Variants in AKAP6 observed in about 807,000 individuals in gnomAD.
The protein encoded by AKAP6 is A-kinase anchoring protein 6, also known as A-kinase anchor protein 6.
Under a neutral mutation model 188.5 loss-of-function variants are expected in AKAP6, and 58 were observed. That is an observed-to-expected ratio of 0.31 (90% CI 0.25 to 0.38). The LOEUF (loss-of-function observed/expected upper bound fraction) is 0.38, where lower values mean the gene tolerates loss of function less well. Among genes scored for constraint, AKAP6 ranks in the 10% least tolerant of loss-of-function variants. The pLI is 1.00. For missense variants in AKAP6, 2,710 were observed against 2,740.0 expected (o/e 0.99, Z 0.24); for synonymous variants, 989 against 998.6 (o/e 0.99, Z 0.18).
chr14:32,722,225 T>G (rs950150021), intron 9 of AKAP6, among the ~76,000 whole-genome samples: 5 of 152,062 alleles, frequency 3.3e-5, no homozygotes, highest in Non-Finnish European at 5.9e-5. Context: ...CTGAAGTGCT[T>G]TTTTTTGGAA....
chr14:32,592,433 T>C (rs1956214), intron 5 of AKAP6, among the ~76,000 whole-genome samples: 53,413 of 151,978 alleles, frequency 0.35, 11,076 homozygotes, highest in East Asian at 0.89. Flanking sequence ...CTGAGATTAA[T>C]CTTAAAGGAT....
intron 2 of AKAP6, among the ~76,000 whole-genome samples, chr14:32,446,526 C>G (rs977818538): frequency 1.3e-5 from 2 of 151,724 alleles, no homozygotes; most frequent in Non-Finnish European, 2.9e-5. Flanking sequence ...TTTATTTTTA[C>G]TATCATAGAT....
intron 4 of AKAP6, among the ~76,000 whole-genome samples, chr14:32,571,489 C>T (rs544159773): frequency 1.3e-4 from 19 of 151,890 alleles, no homozygotes; most frequent in East Asian, 1.9e-4. Flanking sequence ...ATGATCATGC[C>T]GCTGCACTCT....
rs2031218941 is a variant in AKAP6 at position 32,732,429 on chromosome 14, ATCTCTTTT to A, written c.3001-16_3001-9del. The A allele has an allele frequency of 6.2e-7, 1 of 1,600,368 alleles. No individual in the cohort carries two copies. Among genetic ancestry groups the A allele is most frequent in the East Asian group, 2.2e-5 (1 of 44,696 alleles). On this transcript the variant is annotated splice_polypyrimidine_tract_variant and intron_variant, in intron 9 of 13. Coordinates refer to ENST00000280979, the MANE Select transcript of AKAP6 (RefSeq NM_004274.5). ...TAAGAACACCTCTCTCCCTAATGAT[ATCTCTTTT>A]TCTCTTTTCATTTTAGCGATACAGT...
In AKAP6 at chr14:32,807,599, G is replaced by T. The variant is rs111866475; in HGVS notation, c.3589-13803G>T. Among the ~76,000 whole-genome samples, 650 of 152,284 alleles carry T rather than the reference G, an allele frequency of 4.3e-3. 5 individuals carry two copies. The highest frequency in any genetic ancestry group is 0.014 in the African/African-American group (587 of 41,554). On this transcript the variant is annotated intron_variant, in intron 12 of 13. Coordinates refer to ENST00000280979, the MANE Select transcript of AKAP6 (RefSeq NM_004274.5). ...TTTTCACCAATTTTCATGAGACTCT[G>T]TGAGAATATTAAATTGCCTTTTTAA...
intron 12 of AKAP6, among the ~76,000 whole-genome samples, chr14:32,791,124 G>T (rs1197585045): frequency 6.6e-6 from 1 of 152,120 alleles, no homozygotes; most frequent in Non-Finnish European, 1.5e-5. Context: ...AATCCTTTGG[G>T]TATAACTCAG....
intron 1 of AKAP6, among the ~76,000 whole-genome samples, chr14:32,369,436 A>G (rs978083576): frequency 1.2e-4 from 18 of 152,350 alleles, no homozygotes; most frequent in African/African-American, 3.8e-4. Flanking sequence ...TGAAATTTAG[A>G]TAGGTATACA....
intron 2 of AKAP6, among the ~76,000 whole-genome samples, chr14:32,482,273 C>G (rs1879391371): frequency 6.6e-6 from 1 of 152,190 alleles, no homozygotes; most frequent in South Asian, 2.1e-4. Context: ...CCCCTCTCTT[C>G]CCACTGCCAA....
chr14:32,724,790 A>G (rs1263985883), intron 9 of AKAP6, among the ~76,000 whole-genome samples: 3 of 151,980 alleles, frequency 2.0e-5, no homozygotes, highest in Non-Finnish European at 4.4e-5. Flanking sequence ...TAGACTAGAG[A>G]GCACACGGGA....
intron 1 of AKAP6, among the ~76,000 whole-genome samples, chr14:32,418,738 G>A (rs1290286808): frequency 6.6e-6 from 1 of 152,052 alleles, no homozygotes; most frequent in African/African-American, 2.4e-5. Flanking sequence ...CTTACTCAGC[G>A]GTTCTCATTG....
At chr14:32,517,273 A>G (rs1881572847) in intron 2 of AKAP6, among the ~76,000 whole-genome samples, 1 of 152,234 alleles carries the variant, frequency 6.6e-6, no homozygotes, top group South Asian at 2.1e-4. Context: ...ATTCTAGCTA[A>G]TAAATGAAAA....
At chr14:32,729,344 A>G (rs1054784352) in intron 9 of AKAP6, among the ~76,000 whole-genome samples, 5 of 152,112 alleles carry the variant, frequency 3.3e-5, no homozygotes, top group African/African-American at 1.2e-4. Flanking sequence ...AGTTATCTCA[A>G]TCAAGTCTTC....
intron 7 of AKAP6, among the ~76,000 whole-genome samples, chr14:32,644,092 C>T (rs977350153): frequency 2.6e-5 from 4 of 152,148 alleles, no homozygotes; most frequent in African/African-American, 9.7e-5. Flanking sequence ...GAGGATGAGA[C>T]GTTTGCTGGA....
chr14:32,680,904 G>A (rs778292695), intron 8 of AKAP6, among the ~76,000 whole-genome samples: 7 of 152,208 alleles, frequency 4.6e-5, no homozygotes, highest in Non-Finnish European at 7.3e-5. Context: ...ACGTATGTGA[G>A]GCTGTATGAG....
At chr14:32,757,844 G>A (rs753089496) in intron 11 of AKAP6, among the ~76,000 whole-genome samples, 5 of 152,172 alleles carry the variant, frequency 3.3e-5, no homozygotes, top group Non-Finnish European at 4.4e-5. Flanking sequence ...GTGTTTTCTC[G>A]TGAAGAGAAG....
chr14:32,786,690 C>T (rs1427369628), intron 12 of AKAP6, among the ~76,000 whole-genome samples: 1 of 152,028 alleles, frequency 6.6e-6, no homozygotes, highest in African/African-American at 2.4e-5. Flanking sequence ...CTCTAACTCT[C>T]ATATAAGTCC....
intron 11 of AKAP6, among the ~76,000 whole-genome samples, chr14:32,744,370 G>A (rs1451559141): frequency 6.6e-6 from 1 of 151,896 alleles, no homozygotes; most frequent in African/African-American, 2.4e-5. Flanking sequence ...AGGCTAGAGT[G>A]CAGTGGCACA....
chr14:32,399,780 C>T (rs536193128), intron 1 of AKAP6, among the ~76,000 whole-genome samples: 4 of 152,178 alleles, frequency 2.6e-5, no homozygotes, highest in Admixed American at 6.5e-5. Context: ...TCCTTTCTCT[C>T]GTTTTTAATT....
At chr14:32,510,475 TAC>T (rs1337440889) in intron 2 of AKAP6, among the ~76,000 whole-genome samples, 1 of 125,236 alleles carries the variant, frequency 8.0e-6, no homozygotes, top group African/African-American at 3.7e-5. Context: ...TATATATATA[TAC>T]ATATATATAT....
Sources: allele counts gnomAD v4.1 joint callset (sites outside exome capture counted in the v4.1 genomes callset), GRCh38; gene constraint gnomAD v4.1.1; transcripts MANE v1.5; gene names NCBI Gene and HGNC (gene_info 2026-07-23, HGNC 2026-07-21).